The following PLCG2 variants were observed in gnomAD, a reference collection of about 807,000 sequenced individuals.
The protein encoded by PLCG2 is 1-phosphatidylinositol 4,5-bisphosphate phosphodiesterase gamma-2.
A neutral mutation model predicts 175.6 loss-of-function variants in PLCG2; 69 were observed. That is an observed-to-expected ratio of 0.39 (90% CI 0.32 to 0.48). PLCG2 has a LOEUF of 0.48. Among genes scored for constraint, PLCG2 ranks in the 20% least tolerant of loss-of-function variants. PLCG2 has a pLI of 0.91. For missense variants in PLCG2, 1,798 were observed against 1,650.9 expected (o/e 1.09, Z -1.54); for synonymous variants, 827 against 624.0 (o/e 1.33, Z -4.85).
At chr16:81,951,885 A>G (rs926938579) in intron 31 of PLCG2, among the ~76,000 whole-genome samples, 6 of 152,224 alleles carry the variant, frequency 3.9e-5, no homozygotes, top group African/African-American at 1.4e-4. Context: ...AGTGATCTCT[A>G]TTGTATACAA....
chr16:81,859,683 C>T (rs940026452), intron 5 of PLCG2, among the ~76,000 whole-genome samples: 4 of 152,140 alleles, frequency 2.6e-5, no homozygotes, highest in East Asian at 1.9e-4. Context: ...TACAGGCACC[C>T]GCCACCATGC....
Position 81,916,497 on chromosome 16 carries a change from A to T in PLCG2, c.2055-2987A>T, listed in dbSNP as rs113395256. Among the ~76,000 whole-genome samples, 690 of 152,254 alleles carry T rather than the reference A, an allele frequency of 4.5e-3. 5 individuals are homozygous for T. The highest frequency in any genetic ancestry group is 0.017 in the Middle Eastern group (5 of 294). ...TGACAAATAAAAGTTGTTTATATGTATCATGTACAACATGGTGTTTTGAAA... is the reference window on the plus strand; with the variant it reads ...TGACAAATAAAAGTTGTTTATATGTTTCATGTACAACATGGTGTTTTGAAA... On this transcript the variant is annotated intron_variant, in intron 19 of 32. Coordinates refer to ENST00000564138, the MANE Select transcript of PLCG2 (RefSeq NM_002661.5).
At chr16:81,813,624 G>T (rs1904413546) in intron 2 of PLCG2, among the ~76,000 whole-genome samples, 1 of 152,210 alleles carries the variant, frequency 6.6e-6, no homozygotes, top group Admixed American at 6.5e-5. Flanking sequence ...TCAGGAATTT[G>T]GGCAGAGCTC....
intron 2 of PLCG2, among the ~76,000 whole-genome samples, chr16:81,809,099 G>T (rs149024324): frequency 6.6e-6 from 1 of 152,160 alleles, no homozygotes; most frequent in African/African-American, 2.4e-5. Flanking sequence ...GCCAGGCCTG[G>T]TCTCTCTGAG....
intron 1 of PLCG2, among the ~76,000 whole-genome samples, chr16:81,744,988 T>TTG (rs1307093886): frequency 6.6e-6 from 1 of 152,226 alleles, no homozygotes; most frequent in Non-Finnish European, 1.5e-5. Flanking sequence ...TGTCTCATCT[T>TTG]AACTCCAACC....
chr16:81,924,747 C>G (rs1040181510), intron 22 of PLCG2, among the ~76,000 whole-genome samples: 1 of 152,248 alleles, frequency 6.6e-6, no homozygotes, highest in Non-Finnish European at 1.5e-5. Flanking sequence ...ACCCATTGAG[C>G]TGGAGTGGGG....
At chr16:81,956,105 C>G (rs1286529522) in intron 31 of PLCG2, among the ~76,000 whole-genome samples, 3 of 152,194 alleles carry the variant, frequency 2.0e-5, no homozygotes, top group African/African-American at 7.2e-5. Flanking sequence ...TACTTTGTCT[C>G]TGTGATTTTG....
rs562599749 is a variant in PLCG2 at position 81,832,921 on chromosome 16, C to T, written c.194-21523C>T. 3.3e-5 allele frequency among the ~76,000 whole-genome samples: 5 copies of T among 152,298 alleles called. No homozygotes were observed. The East Asian group carries it at 7.7e-4, about 24-fold the overall frequency. On this transcript the variant is annotated intron_variant, in intron 2 of 32. Transcript: ENST00000564138. The stretch of plus-strand genomic sequence containing the variant: ...GTGTGAGGCCCAGGCAGCCAGTGGT[C>T]AGCCGATACTTGAAGGCCTCCTGTG...
chr16:81,805,362 G>A (rs1358532958), intron 2 of PLCG2, among the ~76,000 whole-genome samples: 5 of 151,862 alleles, frequency 3.3e-5, no homozygotes, highest in African/African-American at 1.2e-4. Flanking sequence ...AGCCGGGTGT[G>A]GTGTCGGGTG....
Position 81,842,151 on chromosome 16 carries a change from A to G in PLCG2, c.194-12293A>G, listed in dbSNP as rs565978335. Among the ~76,000 whole-genome samples, 3 of 152,352 alleles carry G rather than the reference A, an allele frequency of 2.0e-5. No individual in the cohort carries two copies. The East Asian group carries it at 5.8e-4, about 29-fold the overall frequency. ...TGTGCACCCCTGGGGAGCATAAGCC[A>G]GGATTTGAACCAAGGTCTTTGTACT... On this transcript the variant is annotated intron_variant, in intron 2 of 32. Transcript: ENST00000564138.
At chr16:81,923,632 G>A in intron 22 of PLCG2, 38 bp downstream of exon 22, 1 of 1,255,040 alleles carries the variant, frequency 8.0e-7, no homozygotes, top group Non-Finnish European at 1.2e-6. Context: ...CGGCAGGTGG[G>A]CTTGACTTGT....
intron 1 of PLCG2, among the ~76,000 whole-genome samples, chr16:81,743,973 C>T (rs1909651710): frequency 1.3e-5 from 2 of 151,866 alleles, no homozygotes; most frequent in African/African-American, 2.4e-5. Context: ...ATTCTCCTGC[C>T]TCGGCCTCCC....
intron 19 of PLCG2, among the ~76,000 whole-genome samples, chr16:81,914,261 G>A (rs541128585): frequency 5.9e-5 from 9 of 152,240 alleles, no homozygotes; most frequent in Non-Finnish European, 1.2e-4. Context: ...CCGGATCGGG[G>A]CCTCACCTGA....
At position 81,958,508 on chromosome 16, in the gene PLCG2, T is replaced by C. The variant is rs1911663803; in HGVS notation, c.*510T>C. On this transcript the variant is annotated 3_prime_UTR_variant, in exon 33 of 33. Coordinates refer to ENST00000564138, the MANE Select transcript of PLCG2 (RefSeq NM_002661.5). ...GAAGCCCTACCCACAGGCAGCCTGC[T>C]CAGTTCAATGTACTTTAACTACCAC... 1 of 234,786 alleles carries C rather than the reference T, an allele frequency of 4.3e-6. No individual in the cohort carries two copies. 14.5% of individuals were successfully genotyped at this position (234,786 alleles called of 1,614,324 possible).
intron 20 of PLCG2, among the ~76,000 whole-genome samples, 185 bp downstream of exon 20, chr16:81,919,849 G>A (rs994388359): frequency 2.6e-5 from 4 of 152,206 alleles, no homozygotes; most frequent in African/African-American, 9.6e-5. Context: ...GTGTTGGGGA[G>A]ATGCAACAAA....
intron 1 of PLCG2, among the ~76,000 whole-genome samples, chr16:81,783,538 G>A (rs1346424127): frequency 6.6e-6 from 1 of 152,160 alleles, no homozygotes; most frequent in African/African-American, 2.4e-5. Context: ...TAGGGGCTTG[G>A]GACTCAGGTG....
intron 1 of PLCG2, among the ~76,000 whole-genome samples, chr16:81,746,168 G>T (rs948725947): frequency 1.3e-5 from 2 of 152,202 alleles, no homozygotes; most frequent in Non-Finnish European, 2.9e-5. Flanking sequence ...TCAGGGCACT[G>T]TGGCACAAAC....
At chr16:81,916,674 G>C (rs1161122542) in intron 19 of PLCG2, among the ~76,000 whole-genome samples, 2 of 151,494 alleles carry the variant, frequency 1.3e-5, no homozygotes, top group Non-Finnish European at 2.9e-5. Context: ...GTCTTGCTCT[G>C]TTGCCCAGTC....
chr16:81,806,527 C>T lies in PLCG2; in HGVS notation c.193+20345C>T, dbSNP rs1303530489. Among the ~76,000 whole-genome samples the T allele has an allele frequency of 2.6e-5, 4 of 152,204 alleles. No individual in the cohort carries two copies. In the East Asian group the frequency reaches 7.7e-4, roughly 29 times the overall value. On this transcript the variant is annotated intron_variant, in intron 2 of 32. Coordinates refer to ENST00000564138, the MANE Select transcript of PLCG2 (RefSeq NM_002661.5). Reference sequence around the variant, plus strand: ...TCTTGGGGGTTGCTTTTGACCCAGGCAGCACTGCTCAGCTTGTGGCCAGGG... The same window carrying T: ...TCTTGGGGGTTGCTTTTGACCCAGGTAGCACTGCTCAGCTTGTGGCCAGGG...
Sources: gnomAD v4.1 joint callset for allele counts (sites outside exome capture counted in the v4.1 genomes callset) on GRCh38, gnomAD v4.1.1 for gene constraint, MANE v1.5 for transcripts, NCBI Gene and HGNC (gene_info 2026-07-23, HGNC 2026-07-21) for gene names.